Variants in RANBP2 observed in about 807,000 individuals in gnomAD.
RANBP2 encodes the protein RAN binding protein 2, also known as E3 SUMO-protein ligase RanBP2.
RANBP2 carries 57 observed loss-of-function variants against 303.6 expected under a neutral mutation model. That is an observed-to-expected ratio of 0.19 (90% confidence interval 0.15 to 0.23). The LOEUF (loss-of-function observed/expected upper bound fraction) is 0.23. Among genes scored for constraint, RANBP2 ranks in the 10% least tolerant of loss-of-function variants. The pLI is 1.00. For missense variants in RANBP2, 3,138 were observed against 3,780.8 expected, an observed-to-expected ratio of 0.83 and a Z score of 4.46; for synonymous variants, 1,167 against 1,301.5, an observed-to-expected ratio of 0.90 and a Z score of 2.23.
chr2:109,369,555 G>C, the RANBP2 span, among the ~76,000 whole-genome samples: 1 of 152,136 alleles, frequency 6.6e-6, no homozygotes, highest in Non-Finnish European at 1.5e-5. Flanking sequence ...TTTTTGGTTT[G>C]GGTGTTTTTG....
At chr2:109,534,788 TG>T in the RANBP2 span, among the ~76,000 whole-genome samples, 2 of 151,834 alleles carry the variant, frequency 1.3e-5, no homozygotes, top group Non-Finnish European at 2.9e-5. Context: ...AAAAAAAGTT[TG>T]GGAGTGAAAG....
chr2:109,528,551 C>T, the RANBP2 span, among the ~76,000 whole-genome samples: 4 of 152,176 alleles, frequency 2.6e-5, no homozygotes, highest in African/African-American at 7.2e-5. Flanking sequence ...CGGCTTAGAA[C>T]AGTAACTCTG....
the RANBP2 span, among the ~76,000 whole-genome samples, chr2:109,729,306 A>G: frequency 6.6e-6 from 1 of 152,222 alleles, no homozygotes; most frequent in Non-Finnish European, 1.5e-5. Flanking sequence ...ACATGTTTTC[A>G]TGACAAAACA....
the RANBP2 span, among the ~76,000 whole-genome samples, chr2:109,641,796 C>T: frequency 1.2e-4 from 18 of 151,894 alleles, no homozygotes; most frequent in Non-Finnish European, 2.5e-4. Flanking sequence ...GACAATTGCA[C>T]AATGTGAATG....
chr2:109,421,657 TC>T, the RANBP2 span, among the ~76,000 whole-genome samples: 1 of 152,188 alleles, frequency 6.6e-6, no homozygotes, highest in African/African-American at 2.4e-5. Flanking sequence ...TCTGGGCTTC[TC>T]CCCCAGGGGA....
chr2:109,088,423 C>T, the RANBP2 span, among the ~76,000 whole-genome samples: 4 of 145,680 alleles, frequency 2.7e-5, no homozygotes, highest in Admixed American at 6.8e-5. Context: ...AAAAGAGCAG[C>T]GAAAGAGACA....
chr2:109,298,926 A>G, the RANBP2 span, among the ~76,000 whole-genome samples: 1 of 152,198 alleles, frequency 6.6e-6, no homozygotes, highest in East Asian at 1.9e-4. Context: ...AGAATTCCCC[A>G]GTGCCTCCCA....
chr2:108,803,118 G>GT, the RANBP2 span, among the ~76,000 whole-genome samples: 5 of 152,186 alleles, frequency 3.3e-5, no homozygotes, highest in Non-Finnish European at 5.9e-5. Context: ...TGCTCTGGGT[G>GT]TTTTTTGTGC....
At chr2:108,741,663 G>A (rs1449241281) in intron 7 of RANBP2, among the ~76,000 whole-genome samples, 10 of 150,818 alleles carry the variant, frequency 6.6e-5, no homozygotes, top group Non-Finnish European at 1.3e-4. Context: ...CTGCCAGCAT[G>A]CCCAGCTAAT....
At chr2:109,033,216 T>C in the RANBP2 span, among the ~76,000 whole-genome samples, 22 of 152,174 alleles carry the variant, frequency 1.4e-4, no homozygotes, top group Non-Finnish European at 2.4e-4. Flanking sequence ...CACTTTAATT[T>C]TGCATTCAGC....
At chr2:109,071,394 C>T in the RANBP2 span, among the ~76,000 whole-genome samples, 10 of 152,264 alleles carry the variant, frequency 6.6e-5, no homozygotes, top group East Asian at 7.7e-4. Context: ...GCATAGAGGG[C>T]CAGGCACAGT....
the RANBP2 span, among the ~76,000 whole-genome samples, chr2:109,242,899 C>T: frequency 6.6e-6 from 1 of 152,208 alleles, no homozygotes; most frequent in African/African-American, 2.4e-5. Flanking sequence ...ATCCAAAAAC[C>T]TCACAGAACA....
the RANBP2 span, among the ~76,000 whole-genome samples, chr2:109,561,523 T>C: frequency 1.4e-4 from 21 of 152,308 alleles, no homozygotes; most frequent in South Asian, 4.4e-3. Context: ...CTTAAGATTT[T>C]ACCCAGTATT....
At chr2:109,495,066 G>T in the RANBP2 span, among the ~76,000 whole-genome samples, 11 of 152,314 alleles carry the variant, frequency 7.2e-5, no homozygotes, top group East Asian at 1.9e-3. Context: ...AAGCCCACGA[G>T]CCTGGGGTGT....
chr2:109,357,191 T>G, the RANBP2 span, among the ~76,000 whole-genome samples: 2 of 147,980 alleles, frequency 1.4e-5, no homozygotes, highest in African/African-American at 5.2e-5. Flanking sequence ...GTTTTTTGGT[T>G]TTTTTTTTGA....
the RANBP2 span, chr2:108,798,611 G>T: frequency 1.3e-6 from 2 of 1,524,000 alleles, no homozygotes; most frequent in South Asian, 2.4e-5. Context: ...TTTGATTTTA[G>T]AGTGGTATAT....
At chr2:108,727,024 T>C (rs1694771871) in intron 1 of RANBP2, among the ~76,000 whole-genome samples, 1 of 152,140 alleles carries the variant, frequency 6.6e-6, no homozygotes, top group Non-Finnish European at 1.5e-5. Flanking sequence ...AAGTCTCCCA[T>C]GTCTACTTCT....
chr2:109,659,372 C>T, the RANBP2 span, among the ~76,000 whole-genome samples: 2 of 152,148 alleles, frequency 1.3e-5, no homozygotes, highest in African/African-American at 4.8e-5. Flanking sequence ...TTTCATCCCC[C>T]CCAAAAACAC....
chr2:109,633,205 A>G, the RANBP2 span, among the ~76,000 whole-genome samples: 1 of 152,146 alleles, frequency 6.6e-6, no homozygotes, highest in Non-Finnish European at 1.5e-5. Flanking sequence ...CCAGCCTGCC[A>G]ACATGGCAAA....
Sources: gnomAD v4.1 joint callset for allele counts (sites outside exome capture counted in the v4.1 genomes callset) on GRCh38, gnomAD v4.1.1 for gene constraint, MANE v1.5 for transcripts, NCBI Gene and HGNC (gene_info 2026-07-23, HGNC 2026-07-21) for gene names.